Variants in ABCG1 observed in about 807,000 individuals in gnomAD.
ABCG1 encodes the protein ATP binding cassette subfamily G member 1.
ABCG1 carries 29 observed loss-of-function variants against 69.2 expected under a neutral mutation model. That is an observed-to-expected ratio of 0.42 (90% confidence interval 0.31 to 0.57). The LOEUF (loss-of-function observed/expected upper bound fraction) is 0.57. ABCG1 is among the 20% of genes least tolerant of loss of function. ABCG1 has a pLI of 0.15. For synonymous variants in ABCG1, 370 were observed against 374.8 expected (o/e 0.99, Z 0.15); for missense variants, 718 against 898.1 (o/e 0.80, Z 2.56).
chr21:42,295,450 T>A (rs911254294), intron 14 of ABCG1: 2 of 147,840 alleles, frequency 1.4e-5, no homozygotes, highest in African/African-American at 2.5e-5. Flanking sequence ...GGAACAAGAA[T>A]GCCCAGTGCC....
intron 2 of ABCG1, among the ~76,000 whole-genome samples, chr21:42,255,115 G>A (rs996099868): frequency 5.9e-5 from 9 of 152,218 alleles, no homozygotes; most frequent in Admixed American, 2.0e-4. Context: ...TAAAAATACC[G>A]CAGGGATGGA....
chr21:42,199,863 A>G lies in ABCG1; in HGVS notation c.-100+14A>G, dbSNP rs1021750218. On this transcript the variant is annotated intron_variant, in intron 1 of 15. Coordinates refer to the ABCG1 transcript ENST00000398457. ...CTATGTTTGTGGGTAAGTCACTGAC[A>G]AAATGCTTTCTAGTAAGAAAATATC... is the stretch of plus-strand genomic sequence containing the variant. 2.8e-4 allele frequency: 42 copies of G among 152,266 alleles called. 1 individual carries two copies. The highest frequency in any genetic ancestry group is 2.7e-3 in the Admixed American group (41 of 15,288). The allele number at this position is 152,266 out of a possible 1,614,324, so 9.4% of individuals were successfully genotyped here.
intron 13 of ABCG1, among the ~76,000 whole-genome samples, chr21:42,292,801 T>C (rs1483699437): frequency 1.4e-4 from 11 of 80,354 alleles, no homozygotes; most frequent in African/African-American, 2.5e-4. Flanking sequence ...ACTATACACA[T>C]ACCACACTAC....
intron 2 of ABCG1, among the ~76,000 whole-genome samples, chr21:42,236,082 C>A (rs966935185): frequency 6.6e-6 from 1 of 152,154 alleles, no homozygotes; most frequent in Non-Finnish European, 1.5e-5. Flanking sequence ...TGGGGTTGAT[C>A]CAAGCATGTC....
chr21:42,208,886 T>C (rs2123469404), intron 2 of ABCG1, among the ~76,000 whole-genome samples: 1 of 152,278 alleles, frequency 6.6e-6, no homozygotes, highest in Middle Eastern at 3.4e-3. Flanking sequence ...CAGAAGATAA[T>C]CTCTCTAATC....
chr21:42,254,037 A>G (rs1038420790), intron 2 of ABCG1, among the ~76,000 whole-genome samples: 1 of 152,152 alleles, frequency 6.6e-6, no homozygotes, highest in Non-Finnish European at 1.5e-5. Context: ...AGGCGCAGGG[A>G]TGAAACCCAT....
chr21:42,294,199 C>G (rs1277378305), intron 13 of ABCG1, among the ~76,000 whole-genome samples: 1 of 152,232 alleles, frequency 6.6e-6, no homozygotes, highest in East Asian at 1.9e-4. Context: ...ACAGGCCAGG[C>G]ACTTAGCCCC....
At position 42,259,367 on chromosome 21, in the gene ABCG1, C is replaced by G. The variant is rs929279843; in HGVS notation, c.287-11703C>G. On this transcript the variant is annotated intron_variant, in intron 2 of 14. Transcript: ENST00000398449. ...CTTTAGCTTCTGCTAAACTGGAGAG[C>G]TCAGTGTTTGTGACAGACTGCGTGT... The G allele has an allele frequency of 2.6e-6, 4 of 1,550,278 alleles. No individual in the cohort carries two copies. In the African/African-American group the frequency reaches 4.1e-5, roughly 16 times the overall value.
Position 42,296,076 on chromosome 21 carries a change from C to A in ABCG1, c.1773-88C>A, listed in dbSNP as rs752148995. On this transcript the variant is annotated intron_variant, in intron 14 of 14. Coordinates refer to ENST00000398449, the MANE Select transcript of ABCG1 (RefSeq NM_016818.3). This position sits in a 1 kb window ranked among gnomAD's most constrained non-coding sequence, Gnocchi z 5.4. ...AAGGGAGGATAGCCAAGCTGGGAAT[C>A]GCAGGGAGGGTGAACGACATTGACC... 1.8e-6 allele frequency: 2 copies of A among 1,130,482 alleles called. No homozygotes were observed. Among genetic ancestry groups the A allele is most frequent in the Non-Finnish European group, 2.7e-6 (2 of 752,232 alleles). 70.0% of individuals were successfully genotyped at this position (1,130,482 alleles called of 1,614,324 possible). A position where few individuals can be genotyped will look rare whatever the true frequency, so the allele number is the denominator to read the frequency against.
chr21:42,275,999 C>A (rs1569231957), intron 4 of ABCG1, among the ~76,000 whole-genome samples: 1 of 139,926 alleles, frequency 7.1e-6, no homozygotes, highest in Non-Finnish European at 1.6e-5. Context: ...CACACCCCGC[C>A]CCCCTCCCCG....
upstream of ABCG1, among the ~76,000 whole-genome samples, chr21:42,214,230 G>A (rs1387424926): frequency 2.0e-5 from 3 of 152,190 alleles, no homozygotes; most frequent in Non-Finnish European, 2.9e-5. Flanking sequence ...ATAGGGTGGA[G>A]CTCTCATAAG....
At chr21:42,263,686 A>G (rs942278729) in intron 2 of ABCG1, among the ~76,000 whole-genome samples, 4 of 152,192 alleles carry the variant, frequency 2.6e-5, no homozygotes, top group African/African-American at 9.7e-5. Context: ...GTGCTTATGT[A>G]ACACAAGACA....
At chr21:42,220,147 C>T (rs2067700737) in intron 1 of ABCG1, 1 of 1,057,472 alleles carries the variant, frequency 9.5e-7, no homozygotes, top group Non-Finnish European at 1.4e-6. Flanking sequence ...CCACCCACCT[C>T]ACCTTATCCT....
chr21:42,217,560 G>A (rs1033216361), upstream of ABCG1, among the ~76,000 whole-genome samples: 3 of 151,912 alleles, frequency 2.0e-5, no homozygotes. Flanking sequence ...TCCCTGCAGT[G>A]TATGTTTAAG....
At chr21:42,282,441 T>A in intron 6 of ABCG1, 22 bp downstream of exon 6, 1 of 1,601,658 alleles carries the variant, frequency 6.2e-7, no homozygotes, top group Non-Finnish European at 8.5e-7. Context: ...GCATCTGAGC[T>A]GGTGTCCAGG....
chr21:42,259,336 T>C (rs1287562981), intron 2 of ABCG1: 1 of 1,549,758 alleles, frequency 6.5e-7, no homozygotes, highest in Admixed American at 2.0e-5. Context: ...CATGTACAGG[T>C]GGCAGCTTTA....
chr21:42,268,063 C>A (rs1342879001), intron 2 of ABCG1, among the ~76,000 whole-genome samples: 1 of 152,174 alleles, frequency 6.6e-6, no homozygotes, highest in Non-Finnish European at 1.5e-5. Context: ...GCATCCTGCA[C>A]GGGGCTGATG....
chr21:42,270,828 T>A (rs80169116), intron 2 of ABCG1, among the ~76,000 whole-genome samples: 1 of 152,124 alleles, frequency 6.6e-6, no homozygotes, highest in African/African-American at 2.4e-5. Flanking sequence ...CTTTGTGAGC[T>A]CTAAAGCATT....
rs1019781694 is a variant in ABCG1, at chr21:42,263,714, C to T, written c.287-7356C>T. 3.3e-5 allele frequency among the ~76,000 whole-genome samples: 5 copies of T among 152,272 alleles called. No individual in the cohort carries two copies. In the East Asian group the frequency reaches 5.8e-4, roughly 18 times the overall value. On this transcript the variant is annotated intron_variant, in intron 2 of 14. Coordinates refer to ENST00000398449, the MANE Select transcript of ABCG1 (RefSeq NM_016818.3). ...ACAAGACAGACGGAGCCAGCAACCCCGTAAAAATGCCTGAAGTAGGTTGAT... is the reference window on the plus strand; with the variant it reads ...ACAAGACAGACGGAGCCAGCAACCCTGTAAAAATGCCTGAAGTAGGTTGAT...
Sources: allele counts gnomAD v4.1 joint callset (sites outside exome capture counted in the v4.1 genomes callset), GRCh38; gene constraint gnomAD v4.1.1; non-coding constraint Gnocchi (gnomAD v3.1); transcripts MANE v1.5; gene names NCBI Gene and HGNC (gene_info 2026-07-23, HGNC 2026-07-21).